Variants in CLVS2 observed in about 807,000 individuals in gnomAD.
CLVS2 encodes the protein clavesin 2.
CLVS2 carries 19 observed loss-of-function variants against 29.0 expected under a neutral mutation model. The observed-to-expected ratio is 0.66, with a 90% confidence interval of 0.46 to 0.96. CLVS2 has a LOEUF of 0.96. Among genes scored for constraint, CLVS2 ranks in the 40% least tolerant of loss-of-function variants. The pLI, the probability that CLVS2 is intolerant of heterozygous loss-of-function variation, is 0.00. For missense variants in CLVS2, 294 were observed against 404.1 expected (o/e 0.73, Z 2.34); for synonymous variants, 161 against 151.3 (o/e 1.06, Z -0.47).
intron 3 of CLVS2, 25 bp downstream of exon 3, chr6:123,011,184 C>A: frequency 6.7e-7 from 1 of 1,494,640 alleles, no homozygotes; most frequent in Non-Finnish European, 9.0e-7. Context: ...TTACCTACTT[C>A]CTTGGTCTCT....
At chr6:123,056,600 C>T (rs764003192) in intron 5 of CLVS2, among the ~76,000 whole-genome samples, 8 of 152,120 alleles carry the variant, frequency 5.3e-5, no homozygotes, top group Non-Finnish European at 1.0e-4. Flanking sequence ...TCTAGCAGGG[C>T]CCTTGGAAGT....
At chr6:123,061,456 A>G (rs1250671474) in intron 5 of CLVS2, among the ~76,000 whole-genome samples, 1 of 152,178 alleles carries the variant, frequency 6.6e-6, no homozygotes, top group Non-Finnish European at 1.5e-5. Context: ...AAAAAATTGG[A>G]CTAAAATAAC....
chr6:123,008,830 G>C (rs1179172924), intron 2 of CLVS2, among the ~76,000 whole-genome samples: 1 of 151,780 alleles, frequency 6.6e-6, no homozygotes, highest in East Asian at 1.9e-4. Context: ...GCCATAAAGG[G>C]ACTTTTAAAG....
chr6:123,033,062 T>G (rs1775105541), intron 3 of CLVS2, among the ~76,000 whole-genome samples: 1 of 152,084 alleles, frequency 6.6e-6, no homozygotes, highest in African/African-American at 2.4e-5. Context: ...AGGTGTATGG[T>G]TTATCATTTT....
intron 1 of CLVS2, 56 bp downstream of exon 1, chr6:122,996,802 G>T: frequency 6.1e-6 from 1 of 164,224 alleles, no homozygotes. Flanking sequence ...GAAAAGATAA[G>T]GACATTTTTA....
intron 3 of CLVS2, among the ~76,000 whole-genome samples, chr6:123,031,991 T>A (rs1370411514): frequency 6.6e-6 from 1 of 152,110 alleles, no homozygotes; most frequent in Non-Finnish European, 1.5e-5. Context: ...TTCTTAACAC[T>A]TTTTTGGGCA....
chr6:123,024,717 G>A (rs1398606239), intron 3 of CLVS2, among the ~76,000 whole-genome samples: 1 of 152,064 alleles, frequency 6.6e-6, no homozygotes, highest in Non-Finnish European at 1.5e-5. Context: ...TTGAAAAATG[G>A]CGATAATAAG....
In CLVS2 at chr6:123,066,969, G is replaced by A. The variant is rs1383088035; in HGVS notation, c.*3208G>A. 1 of 151,656 alleles carries A rather than the reference G, an allele frequency of 6.6e-6. No individual in the cohort carries two copies. Among genetic ancestry groups the A allele is most frequent in the South Asian group, 2.1e-4 (1 of 4,832 alleles). 9.4% of individuals were successfully genotyped at this position (151,656 alleles called of 1,614,324 possible). On this transcript the variant is annotated 3_prime_UTR_variant, in exon 6 of 6. Coordinates refer to ENST00000275162, the MANE Select transcript of CLVS2 (RefSeq NM_001010852.4). ...GTGGCACTAGGCTAAAACGATATAC[G>A]AGTATTAAACAGAGTTTTGCAAGCA... is the stretch of plus-strand genomic sequence containing the variant.
chr6:123,050,681 G>T (rs1245921049), intron 4 of CLVS2, among the ~76,000 whole-genome samples: 1 of 152,040 alleles, frequency 6.6e-6, no homozygotes, highest in Non-Finnish European at 1.5e-5. Context: ...TGGGATAGGG[G>T]GGACTGCTTT....
intron 3 of CLVS2, among the ~76,000 whole-genome samples, chr6:123,026,833 T>A (rs1475418310): frequency 6.6e-6 from 1 of 152,138 alleles, no homozygotes; most frequent in Non-Finnish European, 1.5e-5. Context: ...AAGATAGCCA[T>A]GAATGAAGTT....
intron 4 of CLVS2, among the ~76,000 whole-genome samples, chr6:123,052,852 A>T (rs761318038): frequency 1.3e-5 from 2 of 149,850 alleles, no homozygotes; most frequent in Non-Finnish European, 3.0e-5. Context: ...ATTTAAGTGG[A>T]TATTTTAAGT....
chr6:123,046,095 G>A (rs1562172644), intron 3 of CLVS2, among the ~76,000 whole-genome samples: 1 of 152,102 alleles, frequency 6.6e-6, no homozygotes, highest in East Asian at 1.9e-4. Flanking sequence ...AAGAAATCAA[G>A]GGCTACGTTC....
chr6:123,017,625 A>G (rs1303956270), intron 3 of CLVS2, among the ~76,000 whole-genome samples: 1 of 152,122 alleles, frequency 6.6e-6, no homozygotes, highest in East Asian at 1.9e-4. Flanking sequence ...GTGAGAATGT[A>G]GTTTGGCTGA....
At chr6:123,018,647 T>C (rs180958686) in intron 3 of CLVS2, among the ~76,000 whole-genome samples, 1 of 148,986 alleles carries the variant, frequency 6.7e-6, no homozygotes, top group Admixed American at 6.9e-5. Flanking sequence ...AAATACTCTT[T>C]TTTCTTTATG....
At chr6:123,048,522 A>C (rs2114354396) in intron 3 of CLVS2, 100 bp from the exon 4 acceptor site, 1 of 736,976 alleles carries the variant, frequency 1.4e-6, no homozygotes, top group Non-Finnish European at 2.4e-6. Flanking sequence ...ATCTCATCTA[A>C]GTATGTGAAA....
chr6:123,053,741 G>A (rs1258990763), intron 4 of CLVS2, among the ~76,000 whole-genome samples: 1 of 152,168 alleles, frequency 6.6e-6, no homozygotes, highest in Non-Finnish European at 1.5e-5. Context: ...ATGTGTCTGT[G>A]TGGGGGGCGT....
chr6:123,013,976 A>G (rs1774789261), intron 3 of CLVS2, among the ~76,000 whole-genome samples: 1 of 152,056 alleles, frequency 6.6e-6, no homozygotes, highest in Non-Finnish European at 1.5e-5. Flanking sequence ...CCATGTCCCT[A>G]CAAAGGACAT....
chr6:123,060,963 A>G (rs1772768648), intron 5 of CLVS2, among the ~76,000 whole-genome samples: 1 of 152,226 alleles, frequency 6.6e-6, no homozygotes, highest in Non-Finnish European at 1.5e-5. Context: ...TTCAAGAAAG[A>G]AAGAAAAGTT....
At chr6:123,047,475 A>G (rs113789254) in intron 3 of CLVS2, among the ~76,000 whole-genome samples, 1,995 of 152,312 alleles carry the variant, frequency 0.013, 42 homozygotes, top group African/African-American at 0.045. Context: ...GCTTCGCAAA[A>G]TGAAATTTGG....
Sources: gnomAD v4.1 joint callset for allele counts (sites outside exome capture counted in the v4.1 genomes callset) on GRCh38, gnomAD v4.1.1 for gene constraint, MANE v1.5 for transcripts, NCBI Gene and HGNC (gene_info 2026-07-23, HGNC 2026-07-21) for gene names.